Variants in ARB2A observed in about 807,000 individuals in gnomAD.
ARB2A encodes ARB2 cotranscriptional regulator A.
the ARB2A span, among the ~76,000 whole-genome samples, chr5:93,906,467 A>C: frequency 1.3e-5 from 2 of 151,492 alleles, no homozygotes; most frequent in African/African-American, 4.8e-5. Context: ...AATGGGGATA[A>C]TAACTACTGC....
chr5:93,803,727 A>AG, the ARB2A span, among the ~76,000 whole-genome samples: 5 of 151,522 alleles, frequency 3.3e-5, no homozygotes, highest in Non-Finnish European at 7.4e-5. Flanking sequence ...AAAAAAAAAA[A>AG]AAGAGAAAAG....
chr5:93,731,914 G>T, the ARB2A span, among the ~76,000 whole-genome samples: 1 of 152,222 alleles, frequency 6.6e-6, no homozygotes, highest in African/African-American at 2.4e-5. Context: ...GGCAATAGAA[G>T]AGCTGATAGC....
At chr5:93,668,166 T>C in the ARB2A span, among the ~76,000 whole-genome samples, 4 of 152,230 alleles carry the variant, frequency 2.6e-5, no homozygotes, top group Non-Finnish European at 5.9e-5. Context: ...AGCAGTGGCC[T>C]GATCTCGGCT....
chr5:93,996,993 G>A, the ARB2A span, among the ~76,000 whole-genome samples: 104 of 152,032 alleles, frequency 6.8e-4, no homozygotes, highest in African/African-American at 2.5e-3. Flanking sequence ...TAGGAATATA[G>A]AATAGAAAAG....
the ARB2A span, among the ~76,000 whole-genome samples, chr5:93,690,428 A>G: frequency 6.6e-6 from 1 of 152,164 alleles, no homozygotes; most frequent in Non-Finnish European, 1.5e-5. Flanking sequence ...AGGATTAACA[A>G]AGATGCCGGG....
chr5:93,686,958 C>A, the ARB2A span, among the ~76,000 whole-genome samples: 1 of 152,002 alleles, frequency 6.6e-6, no homozygotes, highest in Non-Finnish European at 1.5e-5. Flanking sequence ...AAAAAAACTG[C>A]ATTTTTGGCT....
the ARB2A span, among the ~76,000 whole-genome samples, chr5:94,095,062 G>C: frequency 6.6e-6 from 1 of 152,186 alleles, no homozygotes; most frequent in African/African-American, 2.4e-5. Flanking sequence ...ACAGAAGACA[G>C]AGTGTTCAGA....
the ARB2A span, among the ~76,000 whole-genome samples, chr5:93,707,782 C>T: frequency 1.3e-5 from 2 of 152,038 alleles, no homozygotes; most frequent in East Asian, 1.9e-4. Flanking sequence ...GCCATGTTGA[C>T]CAGGCTGGTC....
At chr5:93,865,950 A>G in the ARB2A span, 2 of 985,340 alleles carry the variant, frequency 2.0e-6, no homozygotes, top group African/African-American at 1.7e-5. Context: ...TATACACAGC[A>G]CAACTCCAGG....
the ARB2A span, among the ~76,000 whole-genome samples, chr5:93,878,624 T>A: frequency 6.6e-6 from 1 of 151,854 alleles, no homozygotes; most frequent in Non-Finnish European, 1.5e-5. Flanking sequence ...GTAGAGAATA[T>A]ATAAATATAT....
the ARB2A span, among the ~76,000 whole-genome samples, chr5:93,827,889 C>G: frequency 6.6e-6 from 1 of 152,062 alleles, no homozygotes; most frequent in Non-Finnish European, 1.5e-5. Context: ...TCAGGTTTGT[C>G]AAAGATCAGA....
At chr5:93,634,393 T>C in the ARB2A span, among the ~76,000 whole-genome samples, 1 of 142,388 alleles carries the variant, frequency 7.0e-6, no homozygotes, top group East Asian at 2.0e-4. Context: ...TGAGACACTG[T>C]CTCAAAAAAA....
the ARB2A span, among the ~76,000 whole-genome samples, chr5:93,864,695 C>A: frequency 1.3e-5 from 2 of 152,056 alleles, no homozygotes; most frequent in African/African-American, 2.4e-5. Context: ...TTTTAAAATT[C>A]AATGTGGTTT....
chr5:93,964,211 A>G, the ARB2A span, among the ~76,000 whole-genome samples: 1 of 152,026 alleles, frequency 6.6e-6, no homozygotes, highest in Non-Finnish European at 1.5e-5. Context: ...TTGAGTCATC[A>G]TTTTCAAAGA....
chr5:94,049,242 T>C, the ARB2A span, among the ~76,000 whole-genome samples: 4 of 152,198 alleles, frequency 2.6e-5, no homozygotes, highest in African/African-American at 9.6e-5. Context: ...CTACAAGCAG[T>C]ACCATGTGAA....
At chr5:93,895,867 A>G in the ARB2A span, among the ~76,000 whole-genome samples, 3 of 151,944 alleles carry the variant, frequency 2.0e-5, no homozygotes, top group African/African-American at 7.2e-5. Context: ...TACATAAACC[A>G]CCCTTAATTT....
the ARB2A span, among the ~76,000 whole-genome samples, chr5:93,797,081 C>T: frequency 1.3e-5 from 2 of 152,114 alleles, no homozygotes; most frequent in Non-Finnish European, 2.9e-5. Context: ...AACAAGTTTC[C>T]TCTATCAATA....
chr5:93,917,896 T>G, the ARB2A span, among the ~76,000 whole-genome samples: 1 of 152,012 alleles, frequency 6.6e-6, no homozygotes, highest in Non-Finnish European at 1.5e-5. Context: ...AACAAAACAG[T>G]GGTTCTTTCA....
the ARB2A span, chr5:93,804,918 G>C: frequency 1.0e-6 from 1 of 955,592 alleles, no homozygotes; most frequent in African/African-American, 1.8e-5. Context: ...TAAGTAACCA[G>C]AGATATATAA....
Sources: allele counts gnomAD v4.1 joint callset (sites outside exome capture counted in the v4.1 genomes callset), GRCh38; gene constraint gnomAD v4.1.1; transcripts MANE v1.5; gene names NCBI Gene and HGNC (gene_info 2026-07-23, HGNC 2026-07-21).